Variants in RERE observed in about 807,000 individuals in gnomAD.
The protein encoded by RERE is arginine-glutamic acid dipeptide repeats.
RERE carries 40 observed loss-of-function variants against 146.1 expected under a neutral mutation model. The observed-to-expected ratio is 0.27, with a 90% confidence interval of 0.21 to 0.36. RERE has a LOEUF of 0.36. Among genes scored for constraint, RERE ranks in the 10% least tolerant of loss-of-function variants. The pLI, the probability that RERE is intolerant of heterozygous loss-of-function variation, is 1.00. For missense variants in RERE, 1,933 were observed against 2,138.7 expected (o/e 0.90, Z 1.90); for synonymous variants, 1,003 against 866.0 (o/e 1.16, Z -2.78).
chr1:8,558,831 T>C (rs1256890671), intron 4 of RERE, among the ~76,000 whole-genome samples: 1 of 149,846 alleles, frequency 6.7e-6, no homozygotes, highest in Non-Finnish European at 1.5e-5. Context: ...AGCCTCACTG[T>C]GTCGCCCAGG....
chr1:8,649,014 C>T (rs957035642), intron 2 of RERE, among the ~76,000 whole-genome samples: 5 of 151,370 alleles, frequency 3.3e-5, no homozygotes, highest in Non-Finnish European at 7.4e-5. Context: ...GTTTTTTAAC[C>T]AGTTCTACCT....
Position 8,360,415 on chromosome 1 carries a change from TG to T in RERE, c.3091del (p.Gln1031AsnfsTer50). 7 of 540,458 alleles carry T rather than the reference TG, an allele frequency of 1.3e-5. No homozygotes were observed. Among genetic ancestry groups the T allele is most frequent in the Non-Finnish European group, 1.5e-5 (7 of 468,682 alleles). The allele number at this position is 540,458 out of a possible 1,614,324, so 33.5% of individuals were successfully genotyped here. A position where few individuals can be genotyped will look rare whatever the true frequency, so the allele number is the denominator to read the frequency against. ...AAAGGGGTGCTGAGCAAACGGGGGTTGGGGGGCCACCTGGTGGAGGCCTGTA... is the reference window on the plus strand; with the variant it reads ...AAAGGGGTGCTGAGCAAACGGGGGTTGGGGGCCACCTGGTGGAGGCCTGTA... ...PPTGLHQVAP[Q>X]PPFAQHPFVP... On this transcript the variant is annotated frameshift_variant, in exon 18 of 23. Transcript: ENST00000400908. LOFTEE classifies it high-confidence loss of function.
chr1:8,682,139 C>T (rs2124398422), intron 1 of RERE, among the ~76,000 whole-genome samples: 1 of 152,270 alleles, frequency 6.6e-6, no homozygotes, highest in South Asian at 2.1e-4. Context: ...CACCCCCAAC[C>T]TGTACTGAAG....
At chr1:8,456,672 T>C (rs1190049250) in intron 11 of RERE, among the ~76,000 whole-genome samples, 2 of 152,170 alleles carry the variant, frequency 1.3e-5, no homozygotes, top group Non-Finnish European at 2.9e-5. Context: ...CTGGTGGCCT[T>C]CCGACTTCAT....
chr1:8,487,980 C>T (rs538270733), intron 10 of RERE, among the ~76,000 whole-genome samples: 1 of 151,768 alleles, frequency 6.6e-6, no homozygotes, highest in East Asian at 1.9e-4. Context: ...GTGGCATGCA[C>T]TTGTAGTCCC....
rs60050106 is a variant in RERE at position 8,386,022 on chromosome 1, A to ATTTT, written c.1285-20052_1285-20049dup. Among the ~76,000 whole-genome samples, 29 of 26,638 alleles carry ATTTT rather than the reference A, an allele frequency of 1.1e-3. 1 individual carries two copies. Among genetic ancestry groups the ATTTT allele is most frequent in the East Asian group, 1.6e-3 (1 of 638 alleles). 17.5% of individuals were successfully genotyped at this position (26,638 alleles called of 152,430 possible). A position where few individuals can be genotyped will look rare whatever the true frequency, so the allele number is the denominator to read the frequency against. On this transcript the variant is annotated intron_variant, in intron 12 of 22. Coordinates refer to ENST00000400908, the MANE Select transcript of RERE (RefSeq NM_001042681.2). ...TATATATATATATATATATATATAT[A>ATTTT]TTTTTTTTTTTTTTTTTTTTTTTTT...
rs751043542 is a variant in RERE at position 8,362,754 on chromosome 1, G to C, written c.1831C>G (p.Arg611Gly). The change falls in exon 16 of 23, where the codon CGG becomes GGG. Residue 611 changes from arginine to glycine, a missense_variant. This residue lies in a region of RERE where 1,255 missense variants were observed against 1,153.8 expected (regional missense o/e 1.09). Coordinates refer to ENST00000400908, the MANE Select transcript of RERE (RefSeq NM_001042681.2). ...PINEDIRSSG[R>G]NSPSAASTSS... ...GTACTGGCAGCGCTGGGGGAGTTCC[G>C]GCCGCTGGAGCGGATGTCTTCATTG... 6.2e-7 allele frequency: 1 copy of C among 1,614,188 alleles called. No individual in the cohort carries two copies. The highest frequency in any genetic ancestry group is 8.5e-7 in the Non-Finnish European group (1 of 1,180,042).
intron 1 of RERE, chr1:8,798,651 TG>T: frequency 4.6e-6 from 1 of 216,050 alleles, no homozygotes. Flanking sequence ...ACAGCTGTTG[TG>T]GGCAAGAAGA....
At chr1:8,751,130 G>GA (rs1330927981) in intron 1 of RERE, 2 of 379,104 alleles carry the variant, frequency 5.3e-6, no homozygotes, top group Non-Finnish European at 9.7e-6. Flanking sequence ...CAAAGTGCTT[G>GA]AAACATCTGA....
chr1:8,670,004 CTTTT>C (rs1638677413), intron 1 of RERE, among the ~76,000 whole-genome samples: 1 of 152,182 alleles, frequency 6.6e-6, no homozygotes, highest in South Asian at 2.1e-4. Flanking sequence ...CGGAGCAGCT[CTTTT>C]AAACACTTAG....
chr1:8,404,873 C>T (rs1428725212), intron 12 of RERE, among the ~76,000 whole-genome samples: 2 of 152,060 alleles, frequency 1.3e-5, no homozygotes, highest in African/African-American at 4.8e-5. Flanking sequence ...GGCTCCTCAC[C>T]CCACCCTCCT....
intron 4 of RERE, among the ~76,000 whole-genome samples, chr1:8,596,408 C>T (rs1646555634): frequency 6.6e-6 from 1 of 152,218 alleles, no homozygotes; most frequent in Non-Finnish European, 1.5e-5. Flanking sequence ...CAATCAGTTT[C>T]TCAGACACAA....
intron 2 of RERE, among the ~76,000 whole-genome samples, chr1:8,637,464 C>T (rs910582774): frequency 2.0e-5 from 3 of 152,032 alleles, no homozygotes; most frequent in Non-Finnish European, 4.4e-5. Flanking sequence ...TAGGGACTAC[C>T]GACAAACAAA....
rs1179087995 is a variant in RERE at position 8,529,321 on chromosome 1, G to A, written c.830+11893C>T. 5.0e-5 allele frequency among the ~76,000 whole-genome samples: 6 copies of A among 120,370 alleles called. No individual in the cohort carries two copies. In the South Asian group the frequency reaches 9.9e-4, roughly 20 times the overall value. 79.0% of individuals were successfully genotyped at this position (120,370 alleles called of 152,430 possible). ...TTTTTTTTTTTTGAGATGGAGTCTCGCTCTGTTGCACAGGCTGGAGTGCAG... is the reference window on the plus strand; with the variant it reads ...TTTTTTTTTTTTGAGATGGAGTCTCACTCTGTTGCACAGGCTGGAGTGCAG... On this transcript the variant is annotated intron_variant, in intron 7 of 22. Coordinates refer to ENST00000400908, the MANE Select transcript of RERE (RefSeq NM_001042681.2).
chr1:8,395,348 G>A (rs1643019673), intron 12 of RERE, among the ~76,000 whole-genome samples: 2 of 151,888 alleles, frequency 1.3e-5, no homozygotes, highest in South Asian at 2.1e-4. Flanking sequence ...GGTGGCACAC[G>A]CCTGTAGTCC....
intron 6 of RERE, among the ~76,000 whole-genome samples, chr1:8,547,974 A>G (rs1465774819): frequency 6.6e-6 from 1 of 152,228 alleles, no homozygotes; most frequent in Non-Finnish European, 1.5e-5. Context: ...TGCACAAGAG[A>G]GCAGTTATAT....
chr1:8,738,534 G>A (rs980038622), intron 1 of RERE, among the ~76,000 whole-genome samples: 5 of 151,856 alleles, frequency 3.3e-5, no homozygotes, highest in Admixed American at 6.6e-5. Context: ...CACTTAACAA[G>A]CCTCTTCCCA....
In RERE at chr1:8,364,860, T is replaced by TG. The variant is rs754801583; in HGVS notation, c.1448-23dup. On this transcript the variant is annotated intron_variant, in intron 13 of 22. Coordinates refer to ENST00000400908, the MANE Select transcript of RERE (RefSeq NM_001042681.2). The surrounding 1 kb of genome is among the most constrained non-coding windows in gnomAD (Gnocchi z 5.1). ...TCCACTGGGCGTGGCAGGCACATAG[T>TG]GGGGGTGGGGGAGACACCATCATGC... The TG allele has an allele frequency of 2.9e-6, 3 of 1,043,076 alleles. No individual in the cohort carries two copies. Among genetic ancestry groups the TG allele is most frequent in the Non-Finnish European group, 3.6e-6 (3 of 838,138 alleles). The allele number at this position is 1,043,076 out of a possible 1,614,324, so 64.6% of individuals were successfully genotyped here.
At chr1:8,624,479 A>T in intron 2 of RERE, 99 bp from the exon 3 acceptor site, 2 of 729,256 alleles carry the variant, frequency 2.7e-6, no homozygotes, top group Non-Finnish European at 2.3e-6. Context: ...ATGACAAAGC[A>T]CATATCTTTT....
Sources: allele counts gnomAD v4.1 joint callset (sites outside exome capture counted in the v4.1 genomes callset), GRCh38; gene constraint gnomAD v4.1.1; regional missense constraint gnomAD v4.1.1; non-coding constraint Gnocchi (gnomAD v3.1); transcripts MANE v1.5; gene names NCBI Gene and HGNC (gene_info 2026-07-23, HGNC 2026-07-21).